GPHN: variants seen among roughly 807,000 people sequenced by gnomAD.
GPHN encodes the protein gephyrin.
In GPHN, 17 loss-of-function variants were observed where a neutral mutation model predicts 95.5. That is an observed-to-expected ratio of 0.18 (90% CI 0.12 to 0.27). The LOEUF is 0.27. GPHN is among the 10% of genes least tolerant of loss of function. GPHN has a pLI of 1.00. For missense variants in GPHN, 660 were observed against 978.1 expected (o/e 0.67, Z 4.34); for synonymous variants, 320 against 322.5 (o/e 0.99, Z 0.08).
downstream of GPHN, among the ~76,000 whole-genome samples, chr14:67,183,281 C>G (rs2083348415): frequency 6.6e-6 from 1 of 152,120 alleles, no homozygotes; most frequent in South Asian, 2.1e-4. Context: ...CCCCAAATTC[C>G]TAGAAGAGTC....
intron 8 of GPHN, among the ~76,000 whole-genome samples, chr14:66,935,943 T>C (rs901507314): frequency 1.3e-5 from 2 of 152,196 alleles, no homozygotes; most frequent in African/African-American, 4.8e-5. Flanking sequence ...AACTACTTAG[T>C]GGCTGAACTG....
intron 1 of GPHN, among the ~76,000 whole-genome samples, chr14:66,528,456 A>G (rs1171473390): frequency 6.6e-6 from 1 of 152,170 alleles, no homozygotes; most frequent in Non-Finnish European, 1.5e-5. Context: ...CATTTAGCCC[A>G]TTTACCTTTA....
the GPHN span, chr14:67,316,742 A>C: frequency 5.2e-5 from 49 of 940,050 alleles, no homozygotes; most frequent in Middle Eastern, 3.1e-4. Flanking sequence ...GTGAAGAGAT[A>C]TGTCTAGTGT....
intron 12 of GPHN, among the ~76,000 whole-genome samples, chr14:67,098,250 C>T (rs1439167086): frequency 6.6e-6 from 1 of 152,194 alleles, no homozygotes; most frequent in Non-Finnish European, 1.5e-5. Context: ...ACCCCCTACT[C>T]TCTCTCCAGC....
intron 1 of GPHN, among the ~76,000 whole-genome samples, chr14:66,656,702 T>G (rs746897322): frequency 6.6e-6 from 1 of 152,208 alleles, no homozygotes; most frequent in Non-Finnish European, 1.5e-5. Context: ...ATGTTTGATG[T>G]TACTCATACA....
chr14:66,696,280 T>G (rs190777719), intron 2 of GPHN, among the ~76,000 whole-genome samples: 1 of 152,214 alleles, frequency 6.6e-6, no homozygotes, highest in African/African-American at 2.4e-5. Context: ...TAAAGTCTGC[T>G]CAATTTTGCT....
intron 1 of GPHN, among the ~76,000 whole-genome samples, chr14:66,618,239 G>A (rs2063133031): frequency 6.6e-6 from 1 of 152,088 alleles, no homozygotes; most frequent in Non-Finnish European, 1.5e-5. Context: ...TAAGTGCTAG[G>A]TGTTATTTAT....
chr14:67,514,449 C>T, the GPHN span, among the ~76,000 whole-genome samples: 1 of 152,194 alleles, frequency 6.6e-6, no homozygotes. Context: ...GAAGAGCTGG[C>T]AGCCAGGGGG....
chr14:67,507,969 T>C, the GPHN span, among the ~76,000 whole-genome samples: 1 of 151,962 alleles, frequency 6.6e-6, no homozygotes, highest in African/African-American at 2.4e-5. Flanking sequence ...AGAAACCCTG[T>C]CTCTACTAAA....
intron 4 of GPHN, among the ~76,000 whole-genome samples, chr14:66,837,368 C>G (rs1316071312): frequency 6.9e-6 from 1 of 144,250 alleles, no homozygotes; most frequent in Non-Finnish European, 1.5e-5. Context: ...ACCGCATGTT[C>G]TCACTCATAG....
At chr14:67,454,952 T>C in the GPHN span, among the ~76,000 whole-genome samples, 7 of 151,660 alleles carry the variant, frequency 4.6e-5, no homozygotes, top group Non-Finnish European at 1.0e-4. Context: ...TGGGTTTGAG[T>C]GATTCTTGTG....
At chr14:67,569,121 G>T in the GPHN span, 1 of 1,591,138 alleles carries the variant, frequency 6.3e-7, no homozygotes. Context: ...TGAGCTTCCT[G>T]AGACCTCTTG....
At chr14:66,594,805 C>T (rs935228303) in intron 1 of GPHN, among the ~76,000 whole-genome samples, 1 of 151,722 alleles carries the variant, frequency 6.6e-6, no homozygotes, top group African/African-American at 2.4e-5. Context: ...GACAAAAGTA[C>T]AAATAGACAA....
chr14:66,683,652 A>T (rs1466479392), intron 2 of GPHN, among the ~76,000 whole-genome samples: 1 of 147,290 alleles, frequency 6.8e-6, no homozygotes, highest in Non-Finnish European at 1.5e-5. Flanking sequence ...ATTGAATAGG[A>T]AGTATATCAG....
chr14:67,186,938 G>A, the GPHN span, among the ~76,000 whole-genome samples: 1 of 152,122 alleles, frequency 6.6e-6, no homozygotes, highest in Non-Finnish European at 1.5e-5. Flanking sequence ...GCTGGGTTCT[G>A]AAAAACGAAA....
chr14:67,046,157 T>C (rs2075005413), intron 10 of GPHN, among the ~76,000 whole-genome samples: 1 of 151,852 alleles, frequency 6.6e-6, no homozygotes. Context: ...TTTTATTAAA[T>C]AGATTAAAAT....
chr14:67,384,349 G>A, the GPHN span: 1 of 148,380 alleles, frequency 6.7e-6, no homozygotes, highest in African/African-American at 2.5e-5. Flanking sequence ...ACAGGGATCT[G>A]TTTGAACACT....
chr14:66,872,326 A>G (rs1283388078), intron 4 of GPHN, among the ~76,000 whole-genome samples: 1 of 152,132 alleles, frequency 6.6e-6, no homozygotes, highest in Non-Finnish European at 1.5e-5. Context: ...TTACTGTAAT[A>G]CTTCATTTTG....
At chr14:67,366,026 G>C in the GPHN span, among the ~76,000 whole-genome samples, 9 of 151,650 alleles carry the variant, frequency 5.9e-5, no homozygotes, top group African/African-American at 2.2e-4. Flanking sequence ...GTTAAACTTA[G>C]GTAAGTCTTC....
Sources: gnomAD v4.1 joint callset for allele counts (sites outside exome capture counted in the v4.1 genomes callset) on GRCh38, gnomAD v4.1.1 for gene constraint, MANE v1.5 for transcripts, NCBI Gene and HGNC (gene_info 2026-07-23, HGNC 2026-07-21) for gene names.